The following MICAL3 variants were observed in gnomAD, a reference collection of about 807,000 sequenced individuals.
MICAL3 encodes the protein microtubule associated monooxygenase, calponin and LIM domain containing 3.
MICAL3 carries 62 observed loss-of-function variants against 207.4 expected under a neutral mutation model. That is an observed-to-expected ratio of 0.30 (90% CI 0.24 to 0.37). The LOEUF (loss-of-function observed/expected upper bound fraction) is 0.37, where lower values mean the gene tolerates loss of function less well. Ranked by LOEUF, MICAL3 falls within the 10% of genes least tolerant of loss-of-function variation. The pLI is 1.00. For synonymous variants in MICAL3, 1,077 were observed against 1,069.3 expected, an observed-to-expected ratio of 1.01 and a Z score of -0.14; for missense variants, 2,368 against 2,635.6, an observed-to-expected ratio of 0.90 and a Z score of 2.22.
At chr22:17,874,307 G>C (rs1928038076) in intron 16 of MICAL3, among the ~76,000 whole-genome samples, 1 of 152,168 alleles carries the variant, frequency 6.6e-6, no homozygotes, top group Non-Finnish European at 1.5e-5. Context: ...ACTGAGGCTT[G>C]GGACAGACAG....
rs756237234 is a variant in MICAL3, at chr22:17,822,121, C to T, written c.3357G>A (p.Leu1119=). The change falls in exon 24 of 32, where the codon TTG becomes TTA. Residue 1119 remains leucine (L), a synonymous_variant. Coordinates refer to ENST00000441493, the MANE Select transcript of MICAL3 (RefSeq NM_015241.3). ...CTGCTTCCCCCTCAGCTGGGCACGG[C>T]AAACGCAGCTCTCTGTCAGCATCCG... ...SPSDADRELR[L]PCPAEGEAEL... 3.1e-6 allele frequency: 5 copies of T among 1,613,802 alleles called. No individual in the cohort carries two copies. In the Admixed American group the frequency reaches 5.0e-5, roughly 16 times the overall value.
At chr22:18,000,988 A>G (rs1473497378) in intron 1 of MICAL3, 1 of 151,138 alleles carries the variant, frequency 6.6e-6, no homozygotes, top group African/African-American at 2.4e-5. Flanking sequence ...CCGCACCCAG[A>G]GCCGGGCTAA....
chr22:17,951,098 C>A (rs1271372938), intron 1 of MICAL3, among the ~76,000 whole-genome samples: 1 of 152,156 alleles, frequency 6.6e-6, no homozygotes, highest in Non-Finnish European at 1.5e-5. Context: ...CCTGGCTGGG[C>A]CACTTCCTCC....
intron 29 of MICAL3, among the ~76,000 whole-genome samples, chr22:17,801,030 C>T (rs907865952): frequency 1.3e-5 from 2 of 152,060 alleles, no homozygotes; most frequent in African/African-American, 2.4e-5. Context: ...CTTGAATTTA[C>T]GCAGCATAAT....
At chr22:17,880,029 G>C (rs994368310) in intron 16 of MICAL3, among the ~76,000 whole-genome samples, 29 of 152,216 alleles carry the variant, frequency 1.9e-4, no homozygotes, top group African/African-American at 6.8e-4. Flanking sequence ...GACCAGGGAA[G>C]GCTCCTCGCA....
At chr22:17,911,270 T>C (rs1221906408) in intron 1 of MICAL3, among the ~76,000 whole-genome samples, 1 of 152,038 alleles carries the variant, frequency 6.6e-6, no homozygotes, top group Non-Finnish European at 1.5e-5. Context: ...ACTCAATCTC[T>C]AGCTCTTAGA....
intron 1 of MICAL3, among the ~76,000 whole-genome samples, chr22:17,914,523 C>A (rs1312317146): frequency 6.6e-6 from 1 of 152,178 alleles, no homozygotes; most frequent in Non-Finnish European, 1.5e-5. Context: ...GAGAATACAG[C>A]TTGAGAAATG....
At chr22:17,844,295 C>T (rs115428963) in intron 19 of MICAL3, among the ~76,000 whole-genome samples, 2,852 of 152,300 alleles carry the variant, frequency 0.019, 62 homozygotes, top group African/African-American at 0.053. Context: ...CATGCCACAT[C>T]ATACAAGCCA....
intron 19 of MICAL3, among the ~76,000 whole-genome samples, chr22:17,859,510 AAT>A (rs1223710170): frequency 6.6e-6 from 1 of 152,166 alleles, no homozygotes; most frequent in African/African-American, 2.4e-5. Flanking sequence ...GTGAGAAGGG[AAT>A]AGTCTGTTTT....
At chr22:17,962,242 G>A (rs1433054353) in intron 1 of MICAL3, among the ~76,000 whole-genome samples, 2 of 146,356 alleles carry the variant, frequency 1.4e-5, no homozygotes, top group African/African-American at 2.5e-5. Flanking sequence ...GTGCGAAAGC[G>A]AACAAGCAAA....
chr22:17,952,722 C>T (rs1934408967), intron 1 of MICAL3, among the ~76,000 whole-genome samples: 1 of 152,218 alleles, frequency 6.6e-6, no homozygotes, highest in African/African-American at 2.4e-5. Context: ...CCACTGAGTG[C>T]AACCCAGGTG....
At chr22:18,007,980 C>T (rs998814615) in intron 1 of MICAL3, among the ~76,000 whole-genome samples, 18 of 150,566 alleles carry the variant, frequency 1.2e-4, no homozygotes, top group Non-Finnish European at 2.1e-4. Context: ...GTGGTTCCCG[C>T]CTGTAATCTC....
intron 19 of MICAL3, chr22:17,860,873 T>A: frequency 5.1e-6 from 5 of 985,356 alleles, no homozygotes; most frequent in Non-Finnish European, 6.0e-6. Flanking sequence ...GCTCCCGTGG[T>A]TCTCAGAACC....
At position 17,821,445 on chromosome 22, in the gene MICAL3, G is replaced by T; in HGVS notation, c.3513C>A (p.Val1171=). The T allele has an allele frequency of 6.5e-7, 1 of 1,545,608 alleles. No individual in the cohort carries two copies. Among genetic ancestry groups the T allele is most frequent in the Non-Finnish European group, 8.7e-7 (1 of 1,145,218 alleles). The change falls in exon 25 of 32, where the codon GTC becomes GTA. Residue 1171 remains valine (V), a synonymous_variant. Coordinates refer to ENST00000441493, the MANE Select transcript of MICAL3 (RefSeq NM_015241.3). The part of the protein sequence containing the change: ...PQESALLFIP[V]HSPSTEGPQL... The stretch of plus-strand genomic sequence containing the variant: ...CCCTTACCTCTGTTGAGGGGCTGTG[G>T]ACTGGAATGAACAGAAGAGCTGATT...
rs528752735 is a variant in MICAL3 at position 17,954,979 on chromosome 22, C to G, written c.-74-48093G>C. 1.7e-4 allele frequency among the ~76,000 whole-genome samples: 26 copies of G among 152,266 alleles called. No individual in the cohort carries two copies. The South Asian group carries it at 5.4e-3, about 32-fold the overall frequency. On this transcript the variant is annotated intron_variant, in intron 1 of 31. Transcript: ENST00000441493. Reference sequence around the variant, plus strand: ...CCTCAAGTGATCCTCCCACCTCGGCCTCGCAAAATGCTGGGATTACAGGCG... The same window carrying G: ...CCTCAAGTGATCCTCCCACCTCGGCGTCGCAAAATGCTGGGATTACAGGCG...
chr22:18,019,034 A>C (rs1200631852), intron 1 of MICAL3, among the ~76,000 whole-genome samples: 2 of 152,074 alleles, frequency 1.3e-5, no homozygotes, highest in Non-Finnish European at 2.9e-5. Flanking sequence ...TGTACAAAAA[A>C]ATACAAAAAT....
intron 1 of MICAL3, among the ~76,000 whole-genome samples, chr22:18,015,422 C>CTT (rs34098867): frequency 0.22 from 22,997 of 105,558 alleles, 5,253 homozygotes; most frequent in African/African-American, 0.54. Context: ...TAAGACTCAT[C>CTT]TTTTTTTTTT....
rs191649502 is a variant in MICAL3, at chr22:17,969,230, A to G, written c.-75+55051T>C. On this transcript the variant is annotated intron_variant, in intron 1 of 31. Transcript: ENST00000441493. Reference sequence around the variant, plus strand: ...AATTTTCTGTATTTTTAGTAGAGACAGGGTTTCACTATATTGGCCAGGCTG... The same window carrying G: ...AATTTTCTGTATTTTTAGTAGAGACGGGGTTTCACTATATTGGCCAGGCTG... 5.2e-3 allele frequency among the ~76,000 whole-genome samples: 796 copies of G among 152,246 alleles called. 9 individuals carry two copies. Among genetic ancestry groups the G allele is most frequent in the African/African-American group, 0.018 (766 of 41,538 alleles).
At chr22:17,981,344 A>G (rs1056331249) in intron 1 of MICAL3, among the ~76,000 whole-genome samples, 1 of 151,892 alleles carries the variant, frequency 6.6e-6, no homozygotes, top group Admixed American at 6.6e-5. Flanking sequence ...GACTCTAAGG[A>G]ATAAAACAAA....
Sources: allele counts gnomAD v4.1 joint callset (sites outside exome capture counted in the v4.1 genomes callset), GRCh38; gene constraint gnomAD v4.1.1; transcripts MANE v1.5; gene names NCBI Gene and HGNC (gene_info 2026-07-23, HGNC 2026-07-21).